ARMH3: variants seen among roughly 807,000 people sequenced by gnomAD.
ARMH3 encodes the protein armadillo-like helical domain-containing protein 3.
In ARMH3, 60 loss-of-function variants were observed where a neutral mutation model predicts 99.1. The ratio of observed to expected loss-of-function variants is 0.61; its 90% CI spans 0.49 to 0.75. The LOEUF is 0.75. Ranked by LOEUF, ARMH3 falls within the 30% of genes least tolerant of loss-of-function variation. The probability of loss-of-function intolerance (pLI) is 0.00; values close to 1 mark genes in which losing one functional copy is unlikely to be tolerated. For synonymous variants in ARMH3, 285 were observed against 292.8 expected (o/e 0.97, Z 0.27); for missense variants, 679 against 843.1 (o/e 0.81, Z 2.41).
At chr10:102,029,421 C>A (rs921725013) in intron 5 of ARMH3, 10 of 1,525,536 alleles carry the variant, frequency 6.6e-6, no homozygotes, top group Non-Finnish European at 8.8e-6. Context: ...GTCTTTATCC[C>A]GCAGGGAAAG....
rs763214919 is a variant in ARMH3, at chr10:102,025,147, G to A, written c.507+9C>T. The A allele has an allele frequency of 6.2e-7, 1 of 1,604,644 alleles. No individual in the cohort carries two copies. Among genetic ancestry groups the A allele is most frequent in the South Asian group, 1.1e-5 (1 of 90,838 alleles). ...CAATTAATACCCTTGACAAACATAG[G>A]TCACTTACGGTCACTAAGCAAAGGA... is the stretch of plus-strand genomic sequence containing the variant. On this transcript the variant is annotated intron_variant, in intron 6 of 25. Coordinates refer to ENST00000370033, the MANE Select transcript of ARMH3 (RefSeq NM_024541.3).
intron 19 of ARMH3, among the ~76,000 whole-genome samples, chr10:101,979,088 T>TGCAC (rs748002941): frequency 2.6e-5 from 4 of 152,042 alleles, no homozygotes; most frequent in Non-Finnish European, 5.9e-5. Context: ...AAGCTATGAT[T>TGCAC]GCACCACTGC....
intron 22 of ARMH3, among the ~76,000 whole-genome samples, chr10:101,948,936 G>A (rs796544170): frequency 2.6e-5 from 4 of 152,096 alleles, no homozygotes; most frequent in African/African-American, 9.6e-5. Flanking sequence ...ACTAACAGAA[G>A]AATATCTGGA....
intron 19 of ARMH3, 57 bp downstream of exon 19, chr10:101,990,494 C>T (rs1197078782): frequency 7.3e-7 from 1 of 1,365,766 alleles, no homozygotes; most frequent in African/African-American, 1.5e-5. Context: ...AATTTTCTAA[C>T]ATTCAGTTCT....
chr10:101,967,552 C>T lies in ARMH3; in HGVS notation c.1495+7660G>A, dbSNP rs1202954545. Among the ~76,000 whole-genome samples, 4 of 152,298 alleles carry T rather than the reference C, an allele frequency of 2.6e-5. No individual in the cohort carries two copies. The East Asian group carries it at 5.8e-4, about 22-fold the overall frequency. ...AGGAGTTCAAGACCAGCCCGGCCAACATGGTAAAAGCCCGTCTCTACTAAA... is the reference window on the plus strand; with the variant it reads ...AGGAGTTCAAGACCAGCCCGGCCAATATGGTAAAAGCCCGTCTCTACTAAA... On this transcript the variant is annotated intron_variant, in intron 20 of 25. Coordinates refer to ENST00000370033, the MANE Select transcript of ARMH3 (RefSeq NM_024541.3).
intron 24 of ARMH3, among the ~76,000 whole-genome samples, chr10:101,861,517 G>A (rs2135314114): frequency 6.6e-6 from 1 of 152,168 alleles, no homozygotes. Flanking sequence ...CGGATCACGA[G>A]GGCAGGAGTT....
intron 1 of ARMH3, among the ~76,000 whole-genome samples, chr10:102,043,429 G>A (rs985809608): frequency 2.6e-5 from 4 of 152,184 alleles, no homozygotes; most frequent in Admixed American, 2.6e-4. Flanking sequence ...CCTAGTTTAG[G>A]CACTATAGGA....
chr10:102,007,480 T>C (rs1413081315), intron 13 of ARMH3, among the ~76,000 whole-genome samples: 2 of 151,566 alleles, frequency 1.3e-5, no homozygotes, highest in Admixed American at 6.6e-5. Flanking sequence ...AACCAAATAA[T>C]TGACTAGCAG....
chr10:101,913,751 T>C (rs1842966118), intron 23 of ARMH3, among the ~76,000 whole-genome samples: 1 of 152,180 alleles, frequency 6.6e-6, no homozygotes, highest in African/African-American at 2.4e-5. Context: ...GTGCGTAAAG[T>C]GGTCCCCTCC....
intron 1 of ARMH3, among the ~76,000 whole-genome samples, chr10:102,052,387 C>A (rs2067728861): frequency 6.6e-6 from 1 of 152,094 alleles, no homozygotes; most frequent in Non-Finnish European, 1.5e-5. Context: ...CCACACCCGG[C>A]TCATTTTTGT....
At chr10:101,852,179 C>T (rs2066619623) in intron 24 of ARMH3, among the ~76,000 whole-genome samples, 1 of 152,228 alleles carries the variant, frequency 6.6e-6, no homozygotes, top group Admixed American at 6.5e-5. Flanking sequence ...TGCCAAAGGA[C>T]AAACATCATG....
chr10:101,858,865 C>T (rs1037727023), intron 24 of ARMH3, among the ~76,000 whole-genome samples: 1 of 152,110 alleles, frequency 6.6e-6, no homozygotes, highest in Non-Finnish European at 1.5e-5. Context: ...CTAACAGAGT[C>T]CTAAGAAACA....
intron 20 of ARMH3, 93 bp downstream of exon 20, chr10:101,975,119 A>G (rs1845937469): frequency 1.2e-6 from 1 of 821,742 alleles, no homozygotes; most frequent in African/African-American, 1.8e-5. Context: ...AACAAACCAA[A>G]AGGTTAAAAA....
intron 23 of ARMH3, among the ~76,000 whole-genome samples, chr10:101,936,171 A>G (rs1843961681): frequency 6.6e-6 from 1 of 151,988 alleles, no homozygotes; most frequent in South Asian, 2.1e-4. Context: ...ACACCTTTCA[A>G]GGTTAAGGTA....
chr10:101,915,861 T>C lies in ARMH3; in HGVS notation c.1781+24002A>G, dbSNP rs1345779738. Among the ~76,000 whole-genome samples the C allele has an allele frequency of 2.0e-5, 3 of 149,794 alleles. No individual in the cohort carries two copies. In the East Asian group the frequency reaches 5.9e-4, roughly 30 times the overall value. ...CTCTCTCACCCAGGTTGGACTGCAG[T>C]GGCACTACCTCGGCTCACTGCAAGC... On this transcript the variant is annotated intron_variant, in intron 23 of 25. Transcript: ENST00000370033.
At chr10:102,027,338 T>G (rs1007583439) in intron 5 of ARMH3, among the ~76,000 whole-genome samples, 1 of 148,468 alleles carries the variant, frequency 6.7e-6, no homozygotes, top group Non-Finnish European at 1.5e-5. Context: ...TGGTGAGAGA[T>G]AGCATAATAG....
chr10:101,976,957 G>C (rs1006813417), intron 19 of ARMH3, among the ~76,000 whole-genome samples: 35 of 152,094 alleles, frequency 2.3e-4, no homozygotes, highest in Non-Finnish European at 1.9e-4. Flanking sequence ...TCAGCCAGAA[G>C]TTCTGTTTCT....
At chr10:101,865,489 A>T (rs2066980777) in intron 24 of ARMH3, among the ~76,000 whole-genome samples, 1 of 151,980 alleles carries the variant, frequency 6.6e-6, no homozygotes, top group Non-Finnish European at 1.5e-5. Context: ...GTACTACCGT[A>T]ATTTTTTTTT....
chr10:102,044,923 C>G (rs561792160), intron 1 of ARMH3, among the ~76,000 whole-genome samples: 1 of 152,046 alleles, frequency 6.6e-6, no homozygotes, highest in Admixed American at 6.6e-5. Context: ...ATCACATGAG[C>G]TCAGGAGTTC....
Sources: allele counts gnomAD v4.1 joint callset (sites outside exome capture counted in the v4.1 genomes callset), GRCh38; gene constraint gnomAD v4.1.1; transcripts MANE v1.5; gene names NCBI Gene and HGNC (gene_info 2026-07-23, HGNC 2026-07-21).